GLG1: variants seen among roughly 807,000 people sequenced by gnomAD.
The protein encoded by GLG1 is golgi glycoprotein 1.
A neutral mutation model predicts 160.5 loss-of-function variants in GLG1; 38 were observed. The ratio of observed to expected loss-of-function variants is 0.24; its 90% CI spans 0.18 to 0.31. The LOEUF is 0.31. Ranked by LOEUF, GLG1 falls within the 10% of genes least tolerant of loss-of-function variation. The pLI, the probability that GLG1 is intolerant of heterozygous loss-of-function variation, is 1.00. For missense variants in GLG1, 1,373 were observed against 1,505.2 expected, an observed-to-expected ratio of 0.91 and a Z score of 1.45; for synonymous variants, 644 against 543.4, an observed-to-expected ratio of 1.19 and a Z score of -2.57.
intron 1 of GLG1, among the ~76,000 whole-genome samples, chr16:74,542,358 G>C (rs974662564): frequency 6.6e-6 from 1 of 151,842 alleles, no homozygotes; most frequent in African/African-American, 2.4e-5. Context: ...AGCTACTATA[G>C]CCAAATGCAA....
rs2014189850 is a variant in GLG1, at chr16:74,449,147, C to T, written c.*4020G>A. On this transcript the variant is annotated 3_prime_UTR_variant, in exon 26 of 26. Coordinates refer to ENST00000422840, the MANE Select transcript of GLG1 (RefSeq NM_001145667.2). ...AAAGCCATTACGGCCAAAATTTAGG[C>T]TGACTGTTCTAGGGCTGGCTGACTT... 1 of 152,302 alleles carries T rather than the reference C, an allele frequency of 6.6e-6. No individual in the cohort carries two copies. Among genetic ancestry groups the T allele is most frequent in the Admixed American group, 6.6e-5 (1 of 15,250 alleles). The allele number at this position is 152,302 out of a possible 1,614,324, so 9.4% of individuals were successfully genotyped here.
At chr16:74,532,265 C>G in intron 1 of GLG1, 112 bp from the exon 2 acceptor site, 3 of 373,542 alleles carry the variant, frequency 8.0e-6, no homozygotes, top group South Asian at 1.1e-4. Flanking sequence ...AACAAGAAAT[C>G]TGAATATTCA....
Position 74,472,339 on chromosome 16 carries a change from C to A in GLG1, c.2115+10G>T. The A allele has an allele frequency of 6.2e-7, 1 of 1,600,450 alleles. No homozygotes were observed. Among genetic ancestry groups the A allele is most frequent in the Non-Finnish European group, 8.6e-7 (1 of 1,167,622 alleles). ...TGTTTTTAACCCTTGCTCCTCCAGA[C>A]ATCACTTACGTGGCAGAAGTTCTGA... On this transcript the variant is annotated intron_variant, in intron 14 of 25. Transcript: ENST00000422840.
intron 2 of GLG1, among the ~76,000 whole-genome samples, chr16:74,512,683 A>G (rs1237142791): frequency 6.9e-6 from 1 of 144,754 alleles, no homozygotes; most frequent in Non-Finnish European, 1.5e-5. Flanking sequence ...TGAAGGAAGG[A>G]AAAAAAAAAA....
intron 1 of GLG1, among the ~76,000 whole-genome samples, chr16:74,605,541 G>A (rs1209711331): frequency 6.6e-6 from 1 of 152,146 alleles, no homozygotes; most frequent in African/African-American, 2.4e-5. Flanking sequence ...TGAGAAGTCA[G>A]GTAAGGCCTC....
chr16:74,493,019 G>C lies in GLG1; in HGVS notation c.1172C>G (p.Pro391Arg). ...GGAGAGCCTGGCTTCACGCGATCGC[G>C]GAAGGTTTTCCACATTGCACCGGTA... ...KKYRCNVENL[P>R]RSREARLSYL... The change falls in exon 7 of 26, where the codon CCG becomes CGG. Residue 391 changes from proline to arginine, a missense_variant. Pro to Arg is a moderately radical substitution (Grantham distance 103, BLOSUM62 -2). Transcript: ENST00000422840. 2 of 1,613,804 alleles carry C rather than the reference G, an allele frequency of 1.2e-6. No individual in the cohort carries two copies. Among genetic ancestry groups the C allele is most frequent in the South Asian group, 1.1e-5 (1 of 91,062 alleles).
chr16:74,499,943 CAGT>C (rs1250277466), intron 4 of GLG1, among the ~76,000 whole-genome samples: 1 of 152,168 alleles, frequency 6.6e-6, no homozygotes, highest in Non-Finnish European at 1.5e-5. Context: ...GCGGAACTTG[CAGT>C]GAGCCGAGAT....
At chr16:74,548,690 A>G (rs962080515) in intron 1 of GLG1, among the ~76,000 whole-genome samples, 2 of 152,074 alleles carry the variant, frequency 1.3e-5, no homozygotes, top group African/African-American at 4.8e-5. Context: ...TAGATGATCA[A>G]TTCTTAGACA....
At chr16:74,542,394 G>A (rs549342708) in intron 1 of GLG1, among the ~76,000 whole-genome samples, 4 of 152,206 alleles carry the variant, frequency 2.6e-5, no homozygotes, top group South Asian at 2.1e-4. Flanking sequence ...TAGGCCGGGC[G>A]CGGTGGCTCA....
intron 12 of GLG1, among the ~76,000 whole-genome samples, chr16:74,475,526 G>A (rs1420176916): frequency 1.3e-5 from 2 of 152,214 alleles, no homozygotes; most frequent in East Asian, 1.9e-4. Flanking sequence ...ACACACTAGG[G>A]TTTGGGTACT....
intron 2 of GLG1, among the ~76,000 whole-genome samples, chr16:74,509,146 GT>G (rs1330016221): frequency 7.2e-6 from 1 of 139,064 alleles, no homozygotes; most frequent in Non-Finnish European, 1.6e-5. Context: ...TATTTTTGTC[GT>G]TTTTACTAAA....
chr16:74,485,946 A>C (rs779178699), intron 8 of GLG1, 29 bp from the exon 9 acceptor site: 1 of 1,597,496 alleles, frequency 6.3e-7, no homozygotes, highest in South Asian at 1.1e-5. Context: ...AGAAGGAAGA[A>C]AGAAAGTCAC....
At chr16:74,496,980 C>G (rs575768553) in intron 4 of GLG1, among the ~76,000 whole-genome samples, 8 of 152,100 alleles carry the variant, frequency 5.3e-5, no homozygotes, top group Non-Finnish European at 1.0e-4. Context: ...GTCAAAAATT[C>G]ATAAGAAACA....
Position 74,492,943 on chromosome 16 carries a change from A to C in GLG1, c.1234+14T>G, listed in dbSNP as rs7196423. The C allele has an allele frequency of 6.5e-7, 1 of 1,532,202 alleles. No homozygotes were observed. The highest frequency in any genetic ancestry group is 1.2e-5 in the South Asian group (1 of 80,346). The allele number at this position is 1,532,202 out of a possible 1,614,324, so 94.9% of individuals were successfully genotyped here. A position where few individuals can be genotyped will look rare whatever the true frequency, so the allele number is the denominator to read the frequency against. ...GAACAGAAATGATAATTAAAAAAAAAATATGAATGCTACCTCTGTGTACAG... is the reference window on the plus strand; with the variant it reads ...GAACAGAAATGATAATTAAAAAAAACATATGAATGCTACCTCTGTGTACAG... On this transcript the variant is annotated intron_variant, in intron 7 of 25. Transcript: ENST00000422840.
intron 17 of GLG1, chr16:74,468,730 G>A (rs2015091799): frequency 1.8e-6 from 1 of 554,510 alleles, no homozygotes; most frequent in Non-Finnish European, 3.3e-6. Context: ...CTTACAGCTG[G>A]ACTTCCAGTT....
intron 1 of GLG1, among the ~76,000 whole-genome samples, chr16:74,583,007 C>T (rs1450388630): frequency 2.0e-5 from 3 of 152,164 alleles, no homozygotes; most frequent in African/African-American, 2.4e-5. Context: ...TTTCTTGACT[C>T]TCACAACTAA....
At chr16:74,535,461 T>C (rs2017663157) in intron 1 of GLG1, among the ~76,000 whole-genome samples, 4 of 152,122 alleles carry the variant, frequency 2.6e-5, no homozygotes, top group South Asian at 4.1e-4. Context: ...TGAGATAGAG[T>C]CTTGTTCTGT....
chr16:74,593,477 C>T (rs1958230348), intron 1 of GLG1, among the ~76,000 whole-genome samples: 1 of 147,124 alleles, frequency 6.8e-6, no homozygotes, highest in Non-Finnish European at 1.5e-5. Flanking sequence ...TCTTGTCACC[C>T]AGGCTGGAGT....
At chr16:74,509,194 C>G (rs1178232281) in intron 2 of GLG1, among the ~76,000 whole-genome samples, 1 of 96,098 alleles carries the variant, frequency 1.0e-5, no homozygotes, top group Admixed American at 1.5e-4. Flanking sequence ...TTTTTTGAGA[C>G]AGAGTTTCAC....
Sources: allele counts gnomAD v4.1 joint callset (sites outside exome capture counted in the v4.1 genomes callset), GRCh38; gene constraint gnomAD v4.1.1; transcripts MANE v1.5; gene names NCBI Gene and HGNC (gene_info 2026-07-23, HGNC 2026-07-21).